The following ITGA9 variants were observed in gnomAD, a reference collection of about 807,000 sequenced individuals.
ITGA9 encodes integrin alpha-9.
A neutral mutation model predicts 127.8 loss-of-function variants in ITGA9; 56 were observed. The observed-to-expected ratio is 0.44, with a 90% CI of 0.35 to 0.55. The LOEUF (loss-of-function observed/expected upper bound fraction) is 0.55. Among genes scored for constraint, ITGA9 ranks in the 20% least tolerant of loss-of-function variants. The pLI is 0.00. For synonymous variants in ITGA9, 508 were observed against 514.5 expected, an observed-to-expected ratio of 0.99 and a Z score of 0.17; for missense variants, 1,196 against 1,347.1, an observed-to-expected ratio of 0.89 and a Z score of 1.76.
At chr3:37,788,584 A>C (rs189476935) in intron 26 of ITGA9, among the ~76,000 whole-genome samples, 1 of 152,196 alleles carries the variant, frequency 6.6e-6, no homozygotes, top group African/African-American at 2.4e-5. Flanking sequence ...TCCCACAAGC[A>C]GTAATATATT....
At chr3:37,657,205 A>T (rs1409881846) in intron 17 of ITGA9, among the ~76,000 whole-genome samples, 1 of 152,204 alleles carries the variant, frequency 6.6e-6, no homozygotes, top group Non-Finnish European at 1.5e-5. Context: ...CTGGCCTCAT[A>T]AAATGAGTTA....
intron 18 of ITGA9, among the ~76,000 whole-genome samples, chr3:37,712,385 A>G (rs972802180): frequency 6.6e-6 from 1 of 152,136 alleles, no homozygotes; most frequent in South Asian, 2.1e-4. Flanking sequence ...CCTCAGAACT[A>G]CAGCTCAGAG....
chr3:37,552,862 A>G (rs1575147295), intron 15 of ITGA9, among the ~76,000 whole-genome samples: 1 of 152,154 alleles, frequency 6.6e-6, no homozygotes, highest in East Asian at 1.9e-4. Flanking sequence ...TAAAATTACA[A>G]AAATTAGCTG....
intron 1 of ITGA9, among the ~76,000 whole-genome samples, chr3:37,455,025 C>G (rs1224373739): frequency 1.3e-5 from 2 of 152,148 alleles, no homozygotes; most frequent in Non-Finnish European, 2.9e-5. Flanking sequence ...CTATTAATGC[C>G]TTGTCCCCAA....
At chr3:37,693,356 A>C (rs1183037275) in intron 18 of ITGA9, among the ~76,000 whole-genome samples, 3 of 152,170 alleles carry the variant, frequency 2.0e-5, no homozygotes, top group Non-Finnish European at 2.9e-5. Flanking sequence ...TGGTCTTCCA[A>C]GTTGGGGTTT....
At chr3:37,697,958 A>C (rs1192963187) in intron 18 of ITGA9, among the ~76,000 whole-genome samples, 1 of 152,214 alleles carries the variant, frequency 6.6e-6, no homozygotes, top group East Asian at 1.9e-4. Context: ...CCAACAGTGT[A>C]AAAGCATTCC....
At chr3:37,602,084 GT>G (rs1699927696) in intron 15 of ITGA9, among the ~76,000 whole-genome samples, 1 of 152,096 alleles carries the variant, frequency 6.6e-6, no homozygotes, top group Admixed American at 6.5e-5. Flanking sequence ...CAATGGATCC[GT>G]CCCCATGACC....
chr3:37,523,481 G>T, intron 11 of ITGA9, 40 bp from the exon 12 acceptor site: 1 of 1,466,244 alleles, frequency 6.8e-7, no homozygotes, highest in East Asian at 2.3e-5. Context: ...TGTGACTGTG[G>T]TCTTTTCCTG....
chr3:37,744,095 C>G (rs1696471681), intron 22 of ITGA9, 61 bp downstream of exon 22: 1 of 1,111,154 alleles, frequency 9.0e-7, no homozygotes, highest in African/African-American at 1.5e-5. Flanking sequence ...CATGGGATGT[C>G]TCTCCTACAG....
chr3:37,511,246 A>C (rs1698901610), intron 8 of ITGA9, among the ~76,000 whole-genome samples: 1 of 152,220 alleles, frequency 6.6e-6, no homozygotes, highest in Non-Finnish European at 1.5e-5. Context: ...GACTTTCTCC[A>C]AATAGTACAC....
chr3:37,704,649 C>T (rs1282821844), intron 18 of ITGA9, among the ~76,000 whole-genome samples: 1 of 152,200 alleles, frequency 6.6e-6, no homozygotes, highest in East Asian at 1.9e-4. Flanking sequence ...GGGAAAAACC[C>T]AGATCCCCTA....
intron 15 of ITGA9, among the ~76,000 whole-genome samples, chr3:37,572,331 G>A (rs749959974): frequency 8.0e-4 from 121 of 152,162 alleles, no homozygotes; most frequent in Middle Eastern, 3.2e-3. Context: ...CTGAATGGGA[G>A]TTCACATTTT....
intron 18 of ITGA9, among the ~76,000 whole-genome samples, chr3:37,729,005 C>G (rs980639295): frequency 6.6e-6 from 1 of 151,738 alleles, no homozygotes; most frequent in East Asian, 1.9e-4. Context: ...TCCTTGGGTA[C>G]CCACATCAAT....
intron 22 of ITGA9, chr3:37,748,522 C>T (rs1287225835): frequency 4.7e-5 from 23 of 488,818 alleles, no homozygotes; most frequent in South Asian, 2.9e-4. Context: ...CCGAGGCAGG[C>T]GGATCACCTG....
rs143294231 is a variant in ITGA9, at chr3:37,581,203, A to T, written c.1689+38618A>T. Among the ~76,000 whole-genome samples, 49 of 152,352 alleles carry T rather than the reference A, an allele frequency of 3.2e-4. No individual in the cohort carries two copies. The East Asian group carries it at 8.9e-3, about 28-fold the overall frequency. ...GAGCTGGAGTGGAAGCAGATAGCCC[A>T]GCTAGGAGGCAAGAACAGTGGACAA... On this transcript the variant is annotated intron_variant, in intron 15 of 27. Transcript: ENST00000264741.
At chr3:37,628,531 T>C (rs1019843641) in intron 15 of ITGA9, among the ~76,000 whole-genome samples, 2 of 152,122 alleles carry the variant, frequency 1.3e-5, no homozygotes. Flanking sequence ...GGCGTGGGTG[T>C]GTTTCTCATC....
intron 17 of ITGA9, among the ~76,000 whole-genome samples, chr3:37,656,080 G>A (rs1388312981): frequency 6.6e-6 from 1 of 152,172 alleles, no homozygotes. Flanking sequence ...GTACCATGCT[G>A]TTTTGGTTAC....
chr3:37,667,105 G>C (rs1700593295), intron 17 of ITGA9, among the ~76,000 whole-genome samples: 1 of 152,118 alleles, frequency 6.6e-6, no homozygotes. Flanking sequence ...GGATGGCAGG[G>C]ACATGGATGA....
intron 15 of ITGA9, among the ~76,000 whole-genome samples, chr3:37,598,187 A>G (rs1699885988): frequency 6.6e-6 from 1 of 152,232 alleles, no homozygotes; most frequent in African/African-American, 2.4e-5. Context: ...TGAGAGGGTA[A>G]ATAATTCTGC....
Sources: allele counts gnomAD v4.1 joint callset (sites outside exome capture counted in the v4.1 genomes callset), GRCh38; gene constraint gnomAD v4.1.1; transcripts MANE v1.5; gene names NCBI Gene and HGNC (gene_info 2026-07-23, HGNC 2026-07-21).